The following FHOD3 variants were observed in gnomAD, a reference collection of about 807,000 sequenced individuals.
FHOD3 encodes formin homology 2 domain containing 3.
Under a neutral mutation model 173.0 loss-of-function variants are expected in FHOD3, and 90 were observed. That is an observed-to-expected ratio of 0.52 (90% CI 0.44 to 0.62). FHOD3 has a LOEUF of 0.62. Among genes scored for constraint, FHOD3 ranks in the 20% least tolerant of loss-of-function variants. FHOD3 has a pLI of 0.00. For synonymous variants in FHOD3, 828 were observed against 823.0 expected (o/e 1.01, Z -0.10); for missense variants, 1,945 against 2,034.7 (o/e 0.96, Z 0.85).
chr18:36,328,899 G>A (rs1195723867), intron 1 of FHOD3, among the ~76,000 whole-genome samples: 1 of 152,216 alleles, frequency 6.6e-6, no homozygotes, highest in Non-Finnish European at 1.5e-5. Flanking sequence ...GGGGCTGTCA[G>A]TTGGATTCCA....
rs57041859 is a variant in FHOD3, at chr18:36,716,914, A to ATGTGTGTG, written c.2534-886_2534-879dup. On this transcript the variant is annotated intron_variant, in intron 18 of 28. Coordinates refer to ENST00000590592, the MANE Select transcript of FHOD3 (RefSeq NM_001281740.3). ...AAGACGGGGGAAATTATATATGTGT[A>ATGTGTGTG]TGTGTGTGTGTGTGTGTGTGTGTGT... Among the ~76,000 whole-genome samples, 928 of 136,866 alleles carry ATGTGTGTG rather than the reference A, an allele frequency of 6.8e-3. 19 individuals are homozygous for ATGTGTGTG. Among genetic ancestry groups the ATGTGTGTG allele is most frequent in the African/African-American group, 0.022 (829 of 37,092 alleles). The allele number at this position is 136,866 out of a possible 152,430, so 89.8% of individuals were successfully genotyped here. A position where few individuals can be genotyped will look rare whatever the true frequency, so the allele number is the denominator to read the frequency against.
At chr18:36,324,965 C>A (rs1368196892) in intron 1 of FHOD3, among the ~76,000 whole-genome samples, 1 of 152,116 alleles carries the variant, frequency 6.6e-6, no homozygotes, top group Non-Finnish European at 1.5e-5. Flanking sequence ...ATAGAATATT[C>A]ATAGAATAGA....
At chr18:36,713,185 C>T (rs1371436208) in intron 18 of FHOD3, among the ~76,000 whole-genome samples, 1 of 152,176 alleles carries the variant, frequency 6.6e-6, no homozygotes, top group Non-Finnish European at 1.5e-5. Flanking sequence ...GAAAGGACAA[C>T]AGAATGGGTG....
At position 36,594,790 on chromosome 18, in the gene FHOD3, C is replaced by A; in HGVS notation, c.610C>A (p.Arg204Ser). ...WLYTLIGSKF[R>S]LVVKTALKLL... Reference sequence around the variant, plus strand: ...ATGGTTTTATCTCTTCTGCCAGTTCCGCCTGGTGGTGAAGACAGCCCTGAA... The same window carrying A: ...ATGGTTTTATCTCTTCTGCCAGTTCAGCCTGGTGGTGAAGACAGCCCTGAA... The change falls in exon 7 of 29, where the codon CGC becomes AGC. Residue 204 changes from arginine to serine, a missense_variant. Arg to Ser is a moderately radical substitution (Grantham distance 110). This residue lies in a region of FHOD3 where 245 missense variants were observed against 267.7 expected (regional missense o/e 0.92). Coordinates refer to ENST00000590592, the MANE Select transcript of FHOD3 (RefSeq NM_001281740.3). 1 of 1,612,010 alleles carries A rather than the reference C, an allele frequency of 6.2e-7. No individual in the cohort carries two copies. The highest frequency in any genetic ancestry group is 1.1e-5 in the South Asian group (1 of 90,766).
chr18:36,340,253 A>G (rs2045542888), intron 1 of FHOD3, among the ~76,000 whole-genome samples: 1 of 152,176 alleles, frequency 6.6e-6, no homozygotes, highest in Non-Finnish European at 1.5e-5. Context: ...TTCAATTTTT[A>G]AGTGCGTGAA....
At position 36,768,831 on chromosome 18, in the gene FHOD3, A is replaced by G. The variant is rs549278223; in HGVS notation, c.4625-434A>G. On this transcript the variant is annotated intron_variant, in intron 27 of 28. Coordinates refer to ENST00000590592, the MANE Select transcript of FHOD3 (RefSeq NM_001281740.3). Reference sequence around the variant, plus strand: ...ACCACTGATAGAGAGCTGACCCAGTAAGACCCTCAGTGAGTCTCTACATTA... The same window carrying G: ...ACCACTGATAGAGAGCTGACCCAGTGAGACCCTCAGTGAGTCTCTACATTA... Among the ~76,000 whole-genome samples, 3 of 152,312 alleles carry G rather than the reference A, an allele frequency of 2.0e-5. No homozygotes were observed. In the South Asian group the frequency reaches 6.2e-4, roughly 32 times the overall value.
chr18:36,434,156 A>C (rs998541513), intron 3 of FHOD3, among the ~76,000 whole-genome samples: 2 of 152,208 alleles, frequency 1.3e-5, no homozygotes, highest in African/African-American at 4.8e-5. Context: ...ATGTTTGCCT[A>C]TCTGAAGATC....
chr18:36,303,977 A>G (rs1008751670), intron 1 of FHOD3, among the ~76,000 whole-genome samples: 4 of 152,214 alleles, frequency 2.6e-5, no homozygotes, highest in African/African-American at 4.8e-5. Flanking sequence ...AATCAGCGCA[A>G]TCCAGATTGT....
At chr18:36,532,721 C>T (rs538708552) in intron 5 of FHOD3, among the ~76,000 whole-genome samples, 1 of 152,326 alleles carries the variant, frequency 6.6e-6, no homozygotes, top group African/African-American at 2.4e-5. Flanking sequence ...CCCACCGGGT[C>T]CCACCCACAC....
chr18:36,755,679 TAGAA>T (rs1171842737), intron 25 of FHOD3, among the ~76,000 whole-genome samples: 1 of 152,162 alleles, frequency 6.6e-6, no homozygotes, highest in East Asian at 1.9e-4. Context: ...CCGCTTATCA[TAGAA>T]AGACAAATGT....
intron 3 of FHOD3, among the ~76,000 whole-genome samples, chr18:36,453,660 C>T (rs551289227): frequency 2.0e-5 from 3 of 152,292 alleles, no homozygotes; most frequent in East Asian, 1.9e-4. Context: ...TGAAGGGGCT[C>T]AGGGATGGCT....
chr18:36,598,232 G>T (rs1747376054), intron 7 of FHOD3, among the ~76,000 whole-genome samples: 1 of 152,164 alleles, frequency 6.6e-6, no homozygotes, highest in Admixed American at 6.5e-5. Context: ...CATATGAGCA[G>T]TTGTCTTTTT....
At chr18:36,758,809 C>T (rs9304163) in intron 25 of FHOD3, among the ~76,000 whole-genome samples, 9 of 152,112 alleles carry the variant, frequency 5.9e-5, no homozygotes, top group Admixed American at 4.6e-4. Flanking sequence ...CTGCGAGTGA[C>T]GTTGGTGGTG....
chr18:36,659,420 C>T (rs577351432), intron 14 of FHOD3, among the ~76,000 whole-genome samples: 3 of 152,340 alleles, frequency 2.0e-5, no homozygotes, highest in South Asian at 2.1e-4. Context: ...TAGGGCACCT[C>T]CTGTTGGGAT....
intron 3 of FHOD3, among the ~76,000 whole-genome samples, chr18:36,391,026 TG>T (rs1480217186): frequency 6.6e-6 from 1 of 152,182 alleles, no homozygotes; most frequent in African/African-American, 2.4e-5. Flanking sequence ...TTGTCTCCGA[TG>T]GGTAATTAGG....
At chr18:36,396,121 G>T (rs976532286) in intron 3 of FHOD3, among the ~76,000 whole-genome samples, 14 of 152,086 alleles carry the variant, frequency 9.2e-5, no homozygotes, top group Non-Finnish European at 1.3e-4. Context: ...CTTTTGAAAA[G>T]TCTGATGATA....
chr18:36,467,431 C>A (rs573113500), intron 3 of FHOD3, among the ~76,000 whole-genome samples: 2 of 152,242 alleles, frequency 1.3e-5, no homozygotes, highest in South Asian at 4.1e-4. Context: ...GCCATTAATA[C>A]CACCTTGTGG....
At chr18:36,737,860 T>C (rs191102794) in intron 20 of FHOD3, among the ~76,000 whole-genome samples, 16 of 152,360 alleles carry the variant, frequency 1.1e-4, no homozygotes, top group African/African-American at 3.4e-4. Flanking sequence ...TGAACTAATA[T>C]AGAGTGCAGT....
chr18:36,455,984 T>G (rs953592011), intron 3 of FHOD3, among the ~76,000 whole-genome samples: 1 of 152,164 alleles, frequency 6.6e-6, no homozygotes, highest in Admixed American at 6.5e-5. Flanking sequence ...CTGTAGATAC[T>G]GTCAAGGCCA....
Sources: allele counts gnomAD v4.1 joint callset (sites outside exome capture counted in the v4.1 genomes callset), GRCh38; gene constraint gnomAD v4.1.1; regional missense constraint gnomAD v4.1.1; transcripts MANE v1.5; gene names NCBI Gene and HGNC (gene_info 2026-07-23, HGNC 2026-07-21).